ABCB5: variants seen among roughly 807,000 people sequenced by gnomAD.
ABCB5 encodes the protein ATP binding cassette subfamily B member 5, also known as ATP-binding cassette sub-family B member 5.
A neutral mutation model predicts 144.2 loss-of-function variants in ABCB5; 155 were observed. That is an observed-to-expected ratio of 1.08 (90% CI 0.94 to 1.23). ABCB5 has a LOEUF of 1.23. Ranked by LOEUF, ABCB5 falls within the 50% of genes most tolerant of loss-of-function variation. The pLI is 0.00. For missense variants in ABCB5, 1,830 were observed against 1,520.8 expected, an observed-to-expected ratio of 1.20 and a Z score of -3.38; for synonymous variants, 610 against 528.6, an observed-to-expected ratio of 1.15 and a Z score of -2.11.
intron 16 of ABCB5, 109 bp from the exon 17 acceptor site, chr7:20,698,298 C>A (rs1786492396): frequency 1.1e-6 from 1 of 910,520 alleles, no homozygotes. Context: ...ACCCTGCTGT[C>A]TGTTATGTTT....
chr7:20,730,496 G>A (rs560753738), intron 23 of ABCB5, among the ~76,000 whole-genome samples: 2 of 152,286 alleles, frequency 1.3e-5, no homozygotes, highest in East Asian at 3.9e-4. Flanking sequence ...ATGACAGAGT[G>A]AGACTCTGCC....
chr7:20,643,108 T>C, intron 5 of ABCB5, 76 bp from the exon 6 acceptor site: 2 of 1,297,444 alleles, frequency 1.5e-6, no homozygotes, highest in South Asian at 1.5e-5. Flanking sequence ...AATCAAATAC[T>C]GTGATCGATT....
rs150337675 is a variant in ABCB5, at chr7:20,661,831, C to T, written c.1707+3155C>T. Among the ~76,000 whole-genome samples, 4 of 152,106 alleles carry T rather than the reference C, an allele frequency of 2.6e-5. No individual in the cohort carries two copies. The East Asian group carries it at 7.7e-4, about 29-fold the overall frequency. On this transcript the variant is annotated intron_variant, in intron 14 of 27. Transcript: ENST00000404938. ...TACAGGGGTGAGCCACCGCGCCCAG[C>T]GAGACCTGAAATGTTCTTTTCTGGA...
intron 14 of ABCB5, among the ~76,000 whole-genome samples, chr7:20,669,883 C>G (rs867447744): frequency 2.0e-5 from 3 of 149,328 alleles, no homozygotes; most frequent in African/African-American, 7.4e-5. Context: ...ACAACAGTTT[C>G]TGGGACTCTC....
chr7:20,667,577 G>C lies in ABCB5; in HGVS notation c.1707+8901G>C, dbSNP rs910092030. 2.3e-5 allele frequency: 22 copies of C among 961,452 alleles called. No individual in the cohort carries two copies. In the Admixed American group the frequency reaches 6.8e-4, roughly 30 times the overall value. The allele number at this position is 961,452 out of a possible 1,614,324, so 59.6% of individuals were successfully genotyped here. Reference sequence around the variant, plus strand: ...ACATTAATTTGAGAACTGTTGGAGAGTATTGTGAAATCATTGAGCTAATGG... The same window carrying C: ...ACATTAATTTGAGAACTGTTGGAGACTATTGTGAAATCATTGAGCTAATGG... On this transcript the variant is annotated intron_variant, in intron 14 of 27. Coordinates refer to ENST00000404938, the MANE Select transcript of ABCB5 (RefSeq NM_001163941.2).
Position 20,643,315 on chromosome 7 carries a change from C to G in ABCB5, c.446C>G (p.Ala149Gly). The G allele has an allele frequency of 6.2e-7, 1 of 1,613,982 alleles. No homozygotes were observed. The highest frequency in any genetic ancestry group is 8.5e-7 in the Non-Finnish European group (1 of 1,179,878). Residue 149 changes from alanine (A) to glycine (G), a missense_variant, in exon 6 of 28, where the codon GCA (alanine) becomes GGA (glycine). Transcript: ENST00000404938. Reference protein sequence around the residue: ...IRKQFFHSVLAQDIGWFDSCD... With the variant: ...IRKQFFHSVLGQDIGWFDSCD... ...AAACAGTTTTTTCATTCAGTTTTGGCACAGGACATCGGCTGGTTTGATAGC... is the reference window on the plus strand; with the variant it reads ...AAACAGTTTTTTCATTCAGTTTTGGGACAGGACATCGGCTGGTTTGATAGC...
In ABCB5 at chr7:20,755,899, G is replaced by A. The variant is rs1783074374; in HGVS notation, c.*275G>A. 2.8e-6 allele frequency: 1 copy of A among 357,904 alleles called. No individual in the cohort carries two copies. The highest frequency in any genetic ancestry group is 5.1e-6 in the Non-Finnish European group (1 of 195,310). The allele number at this position is 357,904 out of a possible 1,614,324, so 22.2% of individuals were successfully genotyped here. On this transcript the variant is annotated 3_prime_UTR_variant, in exon 28 of 28. Coordinates refer to ENST00000404938, the MANE Select transcript of ABCB5 (RefSeq NM_001163941.2). ...TGCTTGTAAAGCAGTTTTCTACAAG[G>A]TGAATTTATTTCCCATCAACTTCTG...
chr7:20,741,121 T>C (rs6950727), intron 24 of ABCB5, among the ~76,000 whole-genome samples: 118,958 of 147,286 alleles, frequency 0.81, 48,318 homozygotes, highest in East Asian at 0.84. Context: ...AAAAAAAAAA[T>C]TAAAGTCTGG....
At chr7:20,624,130 A>G (rs1316644727) in intron 2 of ABCB5, among the ~76,000 whole-genome samples, 4 of 152,230 alleles carry the variant, frequency 2.6e-5, no homozygotes, top group Admixed American at 1.3e-4. Flanking sequence ...AATTCAAAAC[A>G]TTATCTAAAG....
At chr7:20,742,093 G>T (rs1782580000) in intron 24 of ABCB5, among the ~76,000 whole-genome samples, 1 of 152,214 alleles carries the variant, frequency 6.6e-6, no homozygotes, top group African/African-American at 2.4e-5. Flanking sequence ...TAAAGATAGG[G>T]CTGGGTGTGG....
chr7:20,691,661 GAC>G (rs1487716005), intron 16 of ABCB5, among the ~76,000 whole-genome samples: 4 of 151,646 alleles, frequency 2.6e-5, no homozygotes, highest in African/African-American at 9.7e-5. Context: ...GTGCAGGTGA[GAC>G]ACTGGGTAAA....
At chr7:20,739,200 C>A in intron 24 of ABCB5, 61 bp downstream of exon 24, 1 of 1,454,276 alleles carries the variant, frequency 6.9e-7, no homozygotes, top group African/African-American at 1.5e-5. Context: ...AACTGGGGGC[C>A]ACTGAAGATG....
intron 5 of ABCB5, among the ~76,000 whole-genome samples, chr7:20,636,624 A>G (rs1468538983): frequency 6.6e-6 from 1 of 151,904 alleles, no homozygotes; most frequent in African/African-American, 2.4e-5. Context: ...GTCTCTATTA[A>G]GAATACAAAA....
chr7:20,665,768 GATACATACATAC>G (rs67828264), intron 14 of ABCB5, among the ~76,000 whole-genome samples: 26 of 125,430 alleles, frequency 2.1e-4, no homozygotes, highest in Non-Finnish European at 1.3e-4. Context: ...GATAGATAGA[GATACATACATAC>G]ATACATACAT....
chr7:20,639,300 T>A (rs988577691), intron 5 of ABCB5, among the ~76,000 whole-genome samples: 25 of 152,318 alleles, frequency 1.6e-4, no homozygotes, highest in African/African-American at 3.6e-4. Context: ...TCCCCATCTG[T>A]CAGAGTGTAC....
intron 2 of ABCB5, among the ~76,000 whole-genome samples, chr7:20,624,518 A>G (rs1204329819): frequency 6.6e-6 from 1 of 152,212 alleles, no homozygotes; most frequent in Non-Finnish European, 1.5e-5. Context: ...TCTAGTTTCC[A>G]TGACTGGAGA....
chr7:20,668,504 A>G (rs1583411772), intron 14 of ABCB5, among the ~76,000 whole-genome samples: 1 of 151,536 alleles, frequency 6.6e-6, no homozygotes, highest in Admixed American at 6.5e-5. Flanking sequence ...CCGTCTGAGA[A>G]GTGAGGAGCC....
chr7:20,643,571 T>C lies in ABCB5; in HGVS notation c.617T>C (p.Leu206Pro). Reference protein sequence around the residue: ...LAVGLVKGWKLTLVTLSTSPL... With the variant: ...LAVGLVKGWKPTLVTLSTSPL... The stretch of plus-strand genomic sequence containing the variant: ...GTTGGTTTGGTGAAGGGCTGGAAAC[T>C]CACCCTAGTGACTCTATCCACGTCT... The change falls in exon 7 of 28, where the codon CTC (leucine) becomes CCC (proline). Residue 206 changes from leucine (L) to proline (P), a missense_variant. Transcript: ENST00000404938. 2.5e-6 allele frequency: 4 copies of C among 1,614,002 alleles called. No individual in the cohort carries two copies. In the South Asian group the frequency reaches 4.4e-5, roughly 18 times the overall value.
At chr7:20,639,116 G>T (rs1784229578) in intron 5 of ABCB5, among the ~76,000 whole-genome samples, 1 of 151,798 alleles carries the variant, frequency 6.6e-6, no homozygotes, top group Non-Finnish European at 1.5e-5. Flanking sequence ...GACTAATGAT[G>T]AGCATTTAAT....
Sources: gnomAD v4.1 joint callset for allele counts (sites outside exome capture counted in the v4.1 genomes callset) on GRCh38, gnomAD v4.1.1 for gene constraint, MANE v1.5 for transcripts, NCBI Gene and HGNC (gene_info 2026-07-23, HGNC 2026-07-21) for gene names.